CORO2B: variants seen among roughly 807,000 people sequenced by gnomAD.
The protein encoded by CORO2B is coronin 2B.
In CORO2B, 26 loss-of-function variants were observed where a neutral mutation model predicts 58.8. That is an observed-to-expected ratio of 0.44 (90% CI 0.32 to 0.61). The LOEUF (loss-of-function observed/expected upper bound fraction) is 0.61. Ranked by LOEUF, CORO2B falls within the 20% of genes least tolerant of loss-of-function variation. The pLI is 0.04. For synonymous variants in CORO2B, 242 were observed against 253.8 expected, an observed-to-expected ratio of 0.95 and a Z score of 0.44; for missense variants, 460 against 645.1, an observed-to-expected ratio of 0.71 and a Z score of 3.11.
At chr15:68,556,987 A>G in the CORO2B span, among the ~76,000 whole-genome samples, 11 of 152,332 alleles carry the variant, frequency 7.2e-5, no homozygotes, top group African/African-American at 2.6e-4. Flanking sequence ...AGGACTCAGC[A>G]TAACCACTCC....
At chr15:68,705,980 C>G (rs1369158881) in intron 3 of CORO2B, among the ~76,000 whole-genome samples, 1 of 152,208 alleles carries the variant, frequency 6.6e-6, no homozygotes, top group Non-Finnish European at 1.5e-5. Flanking sequence ...TGTGACTCTA[C>G]CTTACCCTGG....
chr15:68,581,785 G>A, intron 1 of CORO2B, among the ~76,000 whole-genome samples: 1 of 152,172 alleles, frequency 6.6e-6, no homozygotes, highest in East Asian at 1.9e-4. Context: ...ACTGGGAGCG[G>A]TAGGTAGGGG....
At chr15:68,527,102 C>T in the CORO2B span, among the ~76,000 whole-genome samples, 25 of 152,194 alleles carry the variant, frequency 1.6e-4, no homozygotes, top group Non-Finnish European at 5.9e-5. Flanking sequence ...CCAAACCTGC[C>T]AGCCCCTTGA....
At chr15:68,621,838 C>T (rs1314785097) in intron 1 of CORO2B, among the ~76,000 whole-genome samples, 1 of 151,014 alleles carries the variant, frequency 6.6e-6, no homozygotes, top group Non-Finnish European at 1.5e-5. Context: ...GTCACTACAG[C>T]TTTGACCTCC....
the CORO2B span, among the ~76,000 whole-genome samples, chr15:68,565,024 A>T: frequency 6.6e-6 from 1 of 152,166 alleles, no homozygotes; most frequent in African/African-American, 2.4e-5. Flanking sequence ...GATTTTCCTA[A>T]TTTACATATT....
chr15:68,541,272 A>C, the CORO2B span, among the ~76,000 whole-genome samples: 1 of 152,112 alleles, frequency 6.6e-6, no homozygotes, highest in South Asian at 2.1e-4. Flanking sequence ...TCTATTTAAC[A>C]TCTTATAACT....
chr15:68,587,049 TACACAC>T (rs58729813), intron 1 of CORO2B, among the ~76,000 whole-genome samples: 3,413 of 57,848 alleles, frequency 0.059, 161 homozygotes, highest in African/African-American at 0.14. Flanking sequence ...GAGATATGTA[TACACAC>T]ACACACACAC....
intron 1 of CORO2B, among the ~76,000 whole-genome samples, chr15:68,628,270 A>G (rs1343612330): frequency 1.3e-5 from 2 of 152,170 alleles, no homozygotes; most frequent in Admixed American, 6.5e-5. Context: ...CACACACCCT[A>G]TGGAGTGGAA....
the CORO2B span, among the ~76,000 whole-genome samples, chr15:68,520,617 A>G: frequency 6.6e-6 from 1 of 152,232 alleles, no homozygotes; most frequent in Admixed American, 6.5e-5. Flanking sequence ...CAGCTTCACT[A>G]TGCCCTCATC....
the CORO2B span, among the ~76,000 whole-genome samples, chr15:68,526,199 G>A: frequency 6.6e-5 from 10 of 152,090 alleles, no homozygotes; most frequent in South Asian, 2.1e-4. Flanking sequence ...GTTGGTTTTC[G>A]TTTTTGGTTT....
chr15:68,562,520 A>C, the CORO2B span, among the ~76,000 whole-genome samples: 1 of 152,214 alleles, frequency 6.6e-6, no homozygotes, highest in African/African-American at 2.4e-5. Context: ...GTTACATTTG[A>C]ATTTCAGATA....
intron 2 of CORO2B, among the ~76,000 whole-genome samples, chr15:68,692,607 T>A (rs1443526900): frequency 7.6e-6 from 1 of 131,564 alleles, no homozygotes; most frequent in Non-Finnish European, 1.7e-5. Context: ...ATAAAAAAAA[T>A]TAACATTAAA....
the CORO2B span, among the ~76,000 whole-genome samples, chr15:68,532,606 T>C: frequency 6.6e-6 from 1 of 152,254 alleles, no homozygotes; most frequent in Non-Finnish European, 1.5e-5. Context: ...GTCATCTCTG[T>C]CATTTCTGTT....
chr15:68,536,503 G>A, the CORO2B span, among the ~76,000 whole-genome samples: 3 of 152,318 alleles, frequency 2.0e-5, no homozygotes, highest in South Asian at 2.1e-4. Flanking sequence ...ATTTCAGAAC[G>A]TTGGCCTGTA....
chr15:68,626,219 C>T (rs1333614350), intron 1 of CORO2B, among the ~76,000 whole-genome samples: 1 of 152,138 alleles, frequency 6.6e-6, no homozygotes, highest in Non-Finnish European at 1.5e-5. Flanking sequence ...CAGATGAGAA[C>T]CATAACGCAG....
At chr15:68,602,325 G>C (rs1405571431) in intron 1 of CORO2B, among the ~76,000 whole-genome samples, 3 of 151,626 alleles carry the variant, frequency 2.0e-5, no homozygotes, top group Non-Finnish European at 4.4e-5. Flanking sequence ...AACACTCTTG[G>C]TGCTGTGGAA....
At chr15:68,536,337 A>G in the CORO2B span, among the ~76,000 whole-genome samples, 21 of 152,182 alleles carry the variant, frequency 1.4e-4, no homozygotes, top group Non-Finnish European at 2.9e-4. Context: ...GTGACTTGCA[A>G]AGGTTGGTTT....
At chr15:68,563,438 G>A in the CORO2B span, among the ~76,000 whole-genome samples, 1 of 150,756 alleles carries the variant, frequency 6.6e-6, no homozygotes, top group African/African-American at 2.4e-5. Flanking sequence ...GGTGAGCCTT[G>A]ATCGTGCCAC....
At chr15:68,519,161 G>C in the CORO2B span, among the ~76,000 whole-genome samples, 1 of 152,156 alleles carries the variant, frequency 6.6e-6, no homozygotes, top group Non-Finnish European at 1.5e-5. Context: ...ACATCCTGTG[G>C]GCATCTCTGG....
Sources: allele counts gnomAD v4.1 joint callset (sites outside exome capture counted in the v4.1 genomes callset), GRCh38; gene constraint gnomAD v4.1.1; transcripts MANE v1.5; gene names NCBI Gene and HGNC (gene_info 2026-07-23, HGNC 2026-07-21).